LRMDA: variants seen among roughly 807,000 people sequenced by gnomAD.
LRMDA encodes leucine rich melanocyte differentiation associated, also known as leucine-rich melanocyte differentiation-associated protein.
In LRMDA, 18 loss-of-function variants were observed where a neutral mutation model predicts 29.8. The observed-to-expected ratio is 0.60, with a 90% confidence interval of 0.42 to 0.90. LRMDA has a LOEUF of 0.90. Ranked by LOEUF, LRMDA falls within the 40% of genes least tolerant of loss-of-function variation. The pLI is 0.00. For synonymous variants in LRMDA, 125 were observed against 109.4 expected, an observed-to-expected ratio of 1.14 and a Z score of -0.89; for missense variants, 273 against 273.9, an observed-to-expected ratio of 1.00 and a Z score of 0.02.
chr10:75,792,257 G>GTGTTTGTTTGTTTGTT (rs71024564), intron 2 of LRMDA, among the ~76,000 whole-genome samples: 7 of 148,324 alleles, frequency 4.7e-5, no homozygotes, highest in Non-Finnish European at 1.0e-4. Context: ...TGAGGTACTG[G>GTGTTTGTTTGTTTGTT]TGTTTGTTTG....
At chr10:75,973,686 C>A (rs2132441577) in intron 2 of LRMDA, among the ~76,000 whole-genome samples, 1 of 152,286 alleles carries the variant, frequency 6.6e-6, no homozygotes, top group African/African-American at 2.4e-5. Context: ...TCCCAAAGTG[C>A]TGGGATTACA....
At chr10:76,204,499 T>G (rs1258047294) in intron 5 of LRMDA, among the ~76,000 whole-genome samples, 1 of 152,264 alleles carries the variant, frequency 6.6e-6, no homozygotes, top group African/African-American at 2.4e-5. Context: ...CTTCTTTAAT[T>G]TATCCAGCTC....
At chr10:76,451,322 C>T (rs573554005) in intron 6 of LRMDA, among the ~76,000 whole-genome samples, 1 of 152,142 alleles carries the variant, frequency 6.6e-6, no homozygotes, top group South Asian at 2.1e-4. Flanking sequence ...CTGCCTAAGC[C>T]TCCCAAGTAG....
intron 2 of LRMDA, among the ~76,000 whole-genome samples, chr10:75,793,048 G>A (rs1843595601): frequency 6.6e-6 from 1 of 152,200 alleles, no homozygotes; most frequent in South Asian, 2.1e-4. Flanking sequence ...CTTAAAGGGT[G>A]AGAATAATAG....
intron 5 of LRMDA, among the ~76,000 whole-genome samples, chr10:76,146,251 A>C (rs1850316204): frequency 6.6e-6 from 1 of 151,656 alleles, no homozygotes; most frequent in Non-Finnish European, 1.5e-5. Context: ...ATCCTTGTTG[A>C]CTTTCTGTCT....
rs183184924 is a variant in LRMDA, at chr10:76,238,631, C to T, written c.517-85770C>T. ...CTTGATTTTGAGCTGACTTTCCTAA[C>T]GTCCCTAATTGGATAAATAAAGCTA... On this transcript the variant is annotated intron_variant, in intron 5 of 6. Coordinates refer to ENST00000611255, the MANE Select transcript of LRMDA (RefSeq NM_001305581.2). Among the ~76,000 whole-genome samples the T allele has an allele frequency of 1.8e-4, 27 of 152,150 alleles. 1 individual carries two copies. The highest frequency in any genetic ancestry group is 4.4e-5 in the Non-Finnish European group (3 of 68,018).
rs146366201 is a variant in LRMDA, at chr10:76,253,574, G to C, written c.517-70827G>C. Among the ~76,000 whole-genome samples the C allele has an allele frequency of 1.9e-3, 285 of 151,912 alleles. 1 individual carries two copies. Among genetic ancestry groups the C allele is most frequent in the Non-Finnish European group, 3.4e-3 (233 of 67,972 alleles). On this transcript the variant is annotated intron_variant, in intron 5 of 6. Coordinates refer to ENST00000611255, the MANE Select transcript of LRMDA (RefSeq NM_001305581.2). ...TGGCCTAGCTCATTCTAGGTAAAAA[G>C]ATGTACTAGCTCTTAAAAGTTGCTA...
At chr10:75,543,053 G>T (rs1164878233) in intron 2 of LRMDA, among the ~76,000 whole-genome samples, 2 of 152,174 alleles carry the variant, frequency 1.3e-5, no homozygotes, top group African/African-American at 2.4e-5. Flanking sequence ...AAGTCCAAGC[G>T]CGAGGCCAGG....
chr10:75,467,717 C>A (rs895851061), intron 2 of LRMDA, among the ~76,000 whole-genome samples: 1 of 151,992 alleles, frequency 6.6e-6, no homozygotes, highest in Non-Finnish European at 1.5e-5. Flanking sequence ...AATCCCAGCA[C>A]TTTGGGAGGC....
Position 75,586,344 on chromosome 10 carries a change from CT to C in LRMDA, c.131+147875del, listed in dbSNP as rs748097971. Reference sequence around the variant, plus strand: ...TTTCTTCACATCTTCACCAACACGTCTTTTTTTTTTTTTTTTTTTTTTTTTA... The same window carrying C: ...TTTCTTCACATCTTCACCAACACGTCTTTTTTTTTTTTTTTTTTTTTTTTA... On this transcript the variant is annotated intron_variant, in intron 2 of 6. Coordinates refer to ENST00000611255, the MANE Select transcript of LRMDA (RefSeq NM_001305581.2). Among the ~76,000 whole-genome samples the C allele has an allele frequency of 6.5e-3, 189 of 29,046 alleles. 1 individual carries two copies. Among genetic ancestry groups the C allele is most frequent in the South Asian group, 0.019 (7 of 362 alleles). The allele number at this position is 29,046 out of a possible 152,430, so 19.1% of individuals were successfully genotyped here. A position where few individuals can be genotyped will look rare whatever the true frequency, so the allele number is the denominator to read the frequency against.
intron 6 of LRMDA, among the ~76,000 whole-genome samples, chr10:76,421,210 T>C (rs1260616426): frequency 1.3e-5 from 2 of 152,336 alleles, no homozygotes; most frequent in South Asian, 2.1e-4. Context: ...TTTGAACTTA[T>C]ACATTTAGAA....
chr10:76,061,756 G>A (rs1589309348), intron 5 of LRMDA, among the ~76,000 whole-genome samples: 2 of 152,114 alleles, frequency 1.3e-5, no homozygotes, highest in African/African-American at 4.8e-5. Flanking sequence ...TTCCAGTTAA[G>A]TGTTCAATTT....
chr10:76,417,295 T>A (rs1842026591), intron 6 of LRMDA, among the ~76,000 whole-genome samples: 1 of 152,232 alleles, frequency 6.6e-6, no homozygotes, highest in Admixed American at 6.5e-5. Context: ...CAAGTGCTCC[T>A]TAATCTTCCA....
At chr10:76,051,026 A>G (rs529200293) in intron 4 of LRMDA, among the ~76,000 whole-genome samples, 6 of 152,182 alleles carry the variant, frequency 3.9e-5, no homozygotes, top group Admixed American at 6.5e-5. Context: ...ACAACTTTCA[A>G]TTATTTAAAA....
At chr10:76,491,920 G>T (rs930131971) in intron 6 of LRMDA, among the ~76,000 whole-genome samples, 1 of 151,574 alleles carries the variant, frequency 6.6e-6, no homozygotes, top group African/African-American at 2.4e-5. Context: ...ATTTCTAAAT[G>T]GCCTGTCTTC....
rs1276830173 is a variant in LRMDA at position 76,546,442 on chromosome 10, A to G, written c.602-10767A>G. Among the ~76,000 whole-genome samples, 3 of 152,334 alleles carry G rather than the reference A, an allele frequency of 2.0e-5. No homozygotes were observed. The East Asian group carries it at 5.8e-4, about 29-fold the overall frequency. On this transcript the variant is annotated intron_variant, in intron 6 of 6. Transcript: ENST00000611255. ...GTGTCTTATGTGTGAAAATTCAAAA[A>G]GGTTTCTAGCTAACCATGAGTTAAT...
chr10:75,865,367 C>T (rs976726614), intron 2 of LRMDA, among the ~76,000 whole-genome samples: 2 of 152,046 alleles, frequency 1.3e-5, no homozygotes, highest in African/African-American at 2.4e-5. Flanking sequence ...AAACTGATCA[C>T]GTTGTATACT....
intron 4 of LRMDA, among the ~76,000 whole-genome samples, chr10:76,056,783 G>A (rs1848622523): frequency 6.6e-6 from 1 of 152,132 alleles, no homozygotes; most frequent in African/African-American, 2.4e-5. Context: ...GGCTTCCCAA[G>A]CCCCCAAGAG....
At chr10:76,069,629 G>A (rs1334457195) in intron 5 of LRMDA, among the ~76,000 whole-genome samples, 1 of 151,262 alleles carries the variant, frequency 6.6e-6, no homozygotes, top group Non-Finnish European at 1.5e-5. Flanking sequence ...TTTTGAAGTG[G>A]GGGATATGTA....
Sources: allele counts gnomAD v4.1 joint callset (sites outside exome capture counted in the v4.1 genomes callset), GRCh38; gene constraint gnomAD v4.1.1; transcripts MANE v1.5; gene names NCBI Gene and HGNC (gene_info 2026-07-23, HGNC 2026-07-21).